The following GABPB1 variants were observed in gnomAD, a reference collection of about 807,000 sequenced individuals.
GABPB1 encodes GA binding protein transcription factor subunit beta 1.
GABPB1 carries 15 observed loss-of-function variants against 45.9 expected under a neutral mutation model. The ratio of observed to expected loss-of-function variants is 0.33; its 90% confidence interval spans 0.22 to 0.50. The LOEUF (loss-of-function observed/expected upper bound fraction) is 0.50. Ranked by LOEUF, GABPB1 falls within the 20% of genes least tolerant of loss-of-function variation. The pLI is 0.98. For missense variants in GABPB1, 252 were observed against 457.5 expected, an observed-to-expected ratio of 0.55 and a Z score of 4.10; for synonymous variants, 143 against 154.4, an observed-to-expected ratio of 0.93 and a Z score of 0.55.
intron 8 of GABPB1, among the ~76,000 whole-genome samples, chr15:50,279,334 G>T (rs544559357): frequency 2.6e-4 from 40 of 152,204 alleles, no homozygotes; most frequent in African/African-American, 9.4e-4. Context: ...GATTTATAGG[G>T]TTCTAACATT....
chr15:50,338,873 T>C (rs2048241119), intron 1 of GABPB1, among the ~76,000 whole-genome samples: 1 of 152,236 alleles, frequency 6.6e-6, no homozygotes. Flanking sequence ...AAAGATGTCA[T>C]TAAATTGGAA....
intron 1 of GABPB1, among the ~76,000 whole-genome samples, chr15:50,336,059 A>C (rs1246915813): frequency 2.0e-5 from 3 of 151,830 alleles, no homozygotes; most frequent in Non-Finnish European, 2.9e-5. Flanking sequence ...ATATTAGAAA[A>C]TGATTTTGAG....
chr15:50,329,217 C>T (rs570322359), intron 1 of GABPB1, among the ~76,000 whole-genome samples: 4 of 152,236 alleles, frequency 2.6e-5, no homozygotes, highest in African/African-American at 9.6e-5. Flanking sequence ...TTTAGAAGAG[C>T]TCACATCTAC....
At chr15:50,288,180 T>C (rs2046229465) in intron 7 of GABPB1, among the ~76,000 whole-genome samples, 1 of 152,212 alleles carries the variant, frequency 6.6e-6, no homozygotes, top group Admixed American at 6.5e-5. Context: ...GCCTTCCAAG[T>C]AGCTGGGACT....
intron 1 of GABPB1, among the ~76,000 whole-genome samples, chr15:50,347,924 C>G (rs957305175): frequency 6.6e-6 from 1 of 151,164 alleles, no homozygotes; most frequent in African/African-American, 2.4e-5. Flanking sequence ...GGCATGGTGG[C>G]GGGCACCTGT....
chr15:50,305,970 GT>G (rs910098056), intron 2 of GABPB1, among the ~76,000 whole-genome samples: 56 of 151,022 alleles, frequency 3.7e-4, no homozygotes, highest in African/African-American at 1.3e-3. Flanking sequence ...AGCTTTTTGG[GT>G]TTTTTTTTAT....
chr15:50,278,663 G>A lies in GABPB1; in HGVS notation c.1121C>T (p.Thr374Ile), dbSNP rs748635243. Residue 374 changes from threonine (T) to isoleucine (I), a missense_variant, in exon 9 of 9, where the codon ACT becomes ATT. Physicochemically the swap from Thr to Ile is moderately conservative, Grantham distance 89 (BLOSUM62 -1). This residue lies in a region of GABPB1 where 19 missense variants were observed against 23.8 expected (regional missense o/e 0.80). Coordinates refer to ENST00000380877, the MANE Select transcript of GABPB1 (RefSeq NM_016654.5). The part of the protein sequence containing the change: ...EAYRQKLEAM[T>I]RLQTNKEAV ...AGCTTCTTTATTAGTCTGAAGACGA[G>A]TCATAGCTTCCAACTTCTGTCTGTA... 1.2e-6 allele frequency: 2 copies of A among 1,612,586 alleles called. No homozygotes were observed. The highest frequency in any genetic ancestry group is 1.7e-6 in the Non-Finnish European group (2 of 1,179,574).
At chr15:50,293,828 T>G (rs1462841080) in intron 6 of GABPB1, among the ~76,000 whole-genome samples, 42 of 152,230 alleles carry the variant, frequency 2.8e-4, no homozygotes, top group Admixed American at 2.7e-3. Flanking sequence ...GTAAGATATT[T>G]AAGAAAAATT....
At chr15:50,339,999 T>G (rs770864506) in intron 1 of GABPB1, among the ~76,000 whole-genome samples, 1 of 152,204 alleles carries the variant, frequency 6.6e-6, no homozygotes, top group South Asian at 2.1e-4. Flanking sequence ...AAAATTAACA[T>G]GTTGAAATCC....
At chr15:50,331,040 C>G (rs145586875) in intron 1 of GABPB1, among the ~76,000 whole-genome samples, 1 of 152,264 alleles carries the variant, frequency 6.6e-6, no homozygotes, top group African/African-American at 2.4e-5. Context: ...AAAGGGAAAG[C>G]AAACCTAGGG....
chr15:50,300,252 G>A (rs775719105), intron 6 of GABPB1, among the ~76,000 whole-genome samples: 2 of 151,946 alleles, frequency 1.3e-5, no homozygotes. Context: ...CAGATTCACA[G>A]CTTCCTATTA....
At chr15:50,289,332 T>C in intron 7 of GABPB1, 151 bp downstream of exon 7, 1 of 549,866 alleles carries the variant, frequency 1.8e-6, no homozygotes, top group Non-Finnish European at 3.1e-6. Flanking sequence ...CAAATATAAC[T>C]CAAGGCAAAA....
At chr15:50,339,957 T>C (rs1018296958) in intron 1 of GABPB1, among the ~76,000 whole-genome samples, 5 of 152,228 alleles carry the variant, frequency 3.3e-5, no homozygotes, top group African/African-American at 7.2e-5. Flanking sequence ...TCATCTTCTA[T>C]ACACAGCTGG....
At chr15:50,297,388 T>G (rs917244258) in intron 6 of GABPB1, among the ~76,000 whole-genome samples, 1 of 151,858 alleles carries the variant, frequency 6.6e-6, no homozygotes, top group Non-Finnish European at 1.5e-5. Flanking sequence ...AATTTTTGTG[T>G]TTTTAGTAGA....
intron 6 of GABPB1, among the ~76,000 whole-genome samples, chr15:50,292,808 C>T (rs1041971302): frequency 3.3e-5 from 5 of 151,582 alleles, no homozygotes; most frequent in African/African-American, 1.2e-4. Flanking sequence ...ATGTCTCCAG[C>T]CTACTTTCAT....
At chr15:50,330,362 T>C (rs758714877) in intron 1 of GABPB1, among the ~76,000 whole-genome samples, 9 of 152,156 alleles carry the variant, frequency 5.9e-5, no homozygotes, top group Non-Finnish European at 1.3e-4. Context: ...GAAAATACCA[T>C]TGTATACTTT....
intron 1 of GABPB1, among the ~76,000 whole-genome samples, chr15:50,343,865 T>C (rs757535063): frequency 6.6e-6 from 1 of 152,194 alleles, no homozygotes; most frequent in Non-Finnish European, 1.5e-5. Flanking sequence ...CACATGCACA[T>C]AGTAACATAT....
chr15:50,346,303 T>C (rs988325046), intron 1 of GABPB1: 3 of 152,068 alleles, frequency 2.0e-5, no homozygotes, highest in Non-Finnish European at 2.9e-5. Context: ...TGCCAAGAAG[T>C]AGGAGGGGCC....
At chr15:50,303,231 CA>C in intron 3 of GABPB1, 108 bp from the exon 4 acceptor site, 2 of 839,142 alleles carry the variant, frequency 2.4e-6, no homozygotes, top group Non-Finnish European at 3.7e-6. Context: ...ATAATGTAGT[CA>C]ATTATTTATA....
Sources: gnomAD v4.1 joint callset for allele counts (sites outside exome capture counted in the v4.1 genomes callset) on GRCh38, gnomAD v4.1.1 for gene constraint, gnomAD v4.1.1 regional missense constraint, MANE v1.5 for transcripts, NCBI Gene and HGNC (gene_info 2026-07-23, HGNC 2026-07-21) for gene names.